KLF5: variants seen among roughly 807,000 people sequenced by gnomAD.
KLF5 encodes the protein Krueppel-like factor 5.
A neutral mutation model predicts 36.9 loss-of-function variants in KLF5; 9 were observed. That is an observed-to-expected ratio of 0.24 (90% confidence interval 0.15 to 0.43). KLF5 has a LOEUF of 0.43. Among genes scored for constraint, KLF5 ranks in the 20% least tolerant of loss-of-function variants. The probability of loss-of-function intolerance (pLI) is 1.00; values close to 1 mark genes in which losing one functional copy is unlikely to be tolerated. For synonymous variants in KLF5, 246 were observed against 241.7 expected, an observed-to-expected ratio of 1.02 and a Z score of -0.17; for missense variants, 524 against 599.5, an observed-to-expected ratio of 0.87 and a Z score of 1.31.
Position 73,059,116 on chromosome 13 carries a change from G to A in KLF5, c.-212G>A, listed in dbSNP as rs965985593. On this transcript the variant is annotated 5_prime_UTR_variant, in exon 1 of 4. Coordinates refer to ENST00000377687, the MANE Select transcript of KLF5 (RefSeq NM_001730.5). The stretch of plus-strand genomic sequence containing the variant: ...TGGGGCGGGGCGGGAGAAAGTGGCC[G>A]CCCGGAGGACGTTGGCGTTTACGTG... 2 of 406,724 alleles carry A rather than the reference G, an allele frequency of 4.9e-6. No individual in the cohort carries two copies. The highest frequency in any genetic ancestry group is 2.1e-5 in the African/African-American group (1 of 48,224). 25.2% of individuals were successfully genotyped at this position (406,724 alleles called of 1,614,324 possible).
At chr13:73,056,052 C>G (rs1198431581), upstream of KLF5, among the ~76,000 whole-genome samples, 3 of 152,082 alleles carry the variant, frequency 2.0e-5, no homozygotes, top group African/African-American at 7.2e-5. Context: ...CATTCAGAAG[C>G]TATTTATCTA....
chr13:73,062,526 T>C lies in KLF5; in HGVS notation c.927T>C (p.Pro309=). The C allele has an allele frequency of 6.2e-7, 1 of 1,614,180 alleles. No individual in the cohort carries two copies. Among genetic ancestry groups the C allele is most frequent in the Non-Finnish European group, 8.5e-7 (1 of 1,180,024 alleles). ...CCCCGTCACCACCAAGCTCAGAGCC[T>C]GGAAGTCCAGATAGACAAGCAGAGA... ...YFPPSPPSSE[P]GSPDRQAEML... The change falls in exon 2 of 4, where the codon CCT becomes CCC. Residue 309 remains proline, a synonymous_variant. Transcript: ENST00000377687.
chr13:73,061,013 A>T (rs2044630962), intron 1 of KLF5, among the ~76,000 whole-genome samples: 1 of 152,164 alleles, frequency 6.6e-6, no homozygotes. Flanking sequence ...GCATTGGCCC[A>T]CTGAGAAGGA....
At chr13:73,057,075 C>T (rs1167554455), upstream of KLF5, among the ~76,000 whole-genome samples, 2 of 151,628 alleles carry the variant, frequency 1.3e-5, no homozygotes, top group East Asian at 1.9e-4. Context: ...CTGAAGCTCT[C>T]GTAAAAAGAC....
rs1427635898 is a variant in KLF5 at position 73,076,733 on chromosome 13, A to C, written c.*847A>C. ...GATAGTTACAAAATACAAAAGTTCA[A>C]CCTCTTACAATAAGCTAAACGCAAT... On this transcript the variant is annotated 3_prime_UTR_variant, in exon 4 of 4. Coordinates refer to ENST00000377687, the MANE Select transcript of KLF5 (RefSeq NM_001730.5). 1 of 152,208 alleles carries C rather than the reference A, an allele frequency of 6.6e-6. No homozygotes were observed. Among genetic ancestry groups the C allele is most frequent in the African/African-American group, 2.4e-5 (1 of 41,464 alleles). 9.4% of individuals were successfully genotyped at this position (152,208 alleles called of 1,614,324 possible).
upstream of KLF5, among the ~76,000 whole-genome samples, chr13:73,058,328 A>G (rs928142699): frequency 2.0e-5 from 3 of 152,198 alleles, no homozygotes; most frequent in East Asian, 3.8e-4. Flanking sequence ...AAGGAGTGGG[A>G]AAAACCCAGG....
intron 3 of KLF5, among the ~76,000 whole-genome samples, chr13:73,066,867 T>A (rs2044683686): frequency 6.6e-6 from 1 of 152,204 alleles, no homozygotes; most frequent in Non-Finnish European, 1.5e-5. Context: ...AAGTTCTGTC[T>A]TCTTTGTGTG....
chr13:73,069,678 T>C (rs977859793), intron 3 of KLF5, among the ~76,000 whole-genome samples: 3 of 152,202 alleles, frequency 2.0e-5, no homozygotes, highest in African/African-American at 7.2e-5. Context: ...GATTAAACTT[T>C]GCTTCTAGGA....
At chr13:73,073,581 TATTAA>T (rs1308700459) in intron 3 of KLF5, among the ~76,000 whole-genome samples, 1 of 152,212 alleles carries the variant, frequency 6.6e-6, no homozygotes, top group Admixed American at 6.5e-5. Flanking sequence ...GCTATTTAAT[TATTAA>T]ATTCAAAAGA....
At chr13:73,064,689 C>A (rs1203219486) in intron 3 of KLF5, among the ~76,000 whole-genome samples, 1 of 151,802 alleles carries the variant, frequency 6.6e-6, no homozygotes, top group Admixed American at 6.6e-5. Context: ...GATTACAGGC[C>A]CCCACCACCA....
upstream of KLF5, among the ~76,000 whole-genome samples, chr13:73,055,977 T>C (rs1384159572): frequency 6.6e-6 from 1 of 152,204 alleles, no homozygotes; most frequent in East Asian, 1.9e-4. Flanking sequence ...AATTTAGATA[T>C]TCCTTTTGCC....
upstream of KLF5, among the ~76,000 whole-genome samples, chr13:73,057,103 T>C (rs1010724977): frequency 9.2e-5 from 14 of 152,152 alleles, no homozygotes; most frequent in Admixed American, 9.2e-4. Flanking sequence ...AAGGTCTAGA[T>C]AGGTTTAAAA....
At chr13:73,073,231 C>T (rs184789904) in intron 3 of KLF5, among the ~76,000 whole-genome samples, 270 of 152,314 alleles carry the variant, frequency 1.8e-3, no homozygotes, top group Middle Eastern at 3.4e-3. Flanking sequence ...GTTTCCTCTA[C>T]GATGTTTTAC....
Position 73,075,913 on chromosome 13 carries a change from T to A in KLF5, c.*27T>A, listed in dbSNP as rs751399497. 6.7e-7 allele frequency: 1 copy of A among 1,492,096 alleles called. No individual in the cohort carries two copies. The highest frequency in any genetic ancestry group is 9.1e-7 in the Non-Finnish European group (1 of 1,101,282). 92.4% of individuals were successfully genotyped at this position (1,492,096 alleles called of 1,614,324 possible). A position where few individuals can be genotyped will look rare whatever the true frequency, so the allele number is the denominator to read the frequency against. On this transcript the variant is annotated 3_prime_UTR_variant, in exon 4 of 4. Coordinates refer to ENST00000377687, the MANE Select transcript of KLF5 (RefSeq NM_001730.5). ...CACTGCCCGTGTGACCCGTTCCAGG[T>A]CCCCTGGGCTCCCTCAAATGACAGA...
At chr13:73,073,244 G>C (rs2044734961) in intron 3 of KLF5, among the ~76,000 whole-genome samples, 1 of 152,190 alleles carries the variant, frequency 6.6e-6, no homozygotes, top group Non-Finnish European at 1.5e-5. Context: ...TGTTTTACTT[G>C]AACGGTGTTG....
At chr13:73,070,945 G>C (rs946454683) in intron 3 of KLF5, among the ~76,000 whole-genome samples, 5 of 152,150 alleles carry the variant, frequency 3.3e-5, no homozygotes, top group Non-Finnish European at 7.4e-5. Flanking sequence ...AGAATAAAAA[G>C]CTGACAGCCT....
upstream of KLF5, among the ~76,000 whole-genome samples, chr13:73,056,501 T>C (rs75421554): frequency 0.039 from 5,974 of 152,352 alleles, 170 homozygotes; most frequent in Middle Eastern, 0.065. Context: ...CCTGGAACAT[T>C]TGAAAAATAT....
upstream of KLF5, among the ~76,000 whole-genome samples, chr13:73,057,415 C>T (rs1158437207): frequency 6.6e-6 from 1 of 152,140 alleles, no homozygotes; most frequent in Non-Finnish European, 1.5e-5. Flanking sequence ...TAGAGAAAAA[C>T]TTGCAAAAGC....
At chr13:73,070,753 C>A (rs1281418953) in intron 3 of KLF5, among the ~76,000 whole-genome samples, 1 of 152,176 alleles carries the variant, frequency 6.6e-6, no homozygotes, top group Non-Finnish European at 1.5e-5. Context: ...CTACCTAAGA[C>A]AATTTGTTTA....
Sources: allele counts gnomAD v4.1 joint callset (sites outside exome capture counted in the v4.1 genomes callset), GRCh38; gene constraint gnomAD v4.1.1; transcripts MANE v1.5; gene names NCBI Gene and HGNC (gene_info 2026-07-23, HGNC 2026-07-21).